Variants in USP49 observed in about 807,000 individuals in gnomAD.
USP49 encodes ubiquitin specific peptidase 49, also known as ubiquitin carboxyl-terminal hydrolase 49.
A neutral mutation model predicts 58.6 loss-of-function variants in USP49; 24 were observed. The observed-to-expected ratio is 0.41, with a 90% CI of 0.30 to 0.58. The LOEUF (loss-of-function observed/expected upper bound fraction) is 0.58, where lower values mean the gene tolerates loss of function less well. Ranked by LOEUF, USP49 falls within the 20% of genes least tolerant of loss-of-function variation. The probability of loss-of-function intolerance (pLI) is 0.30; values close to 1 mark genes in which losing one functional copy is unlikely to be tolerated. For missense variants in USP49, 703 were observed against 866.1 expected, an observed-to-expected ratio of 0.81 and a Z score of 2.36; for synonymous variants, 408 against 365.1, an observed-to-expected ratio of 1.12 and a Z score of -1.34.
intron 3 of USP49, among the ~76,000 whole-genome samples, chr6:41,851,076 G>A (rs1774019361): frequency 6.6e-6 from 1 of 152,134 alleles, no homozygotes; most frequent in Non-Finnish European, 1.5e-5. Flanking sequence ...AAAAAATAAT[G>A]AATGCCAAGT....
At position 41,792,175 on chromosome 6, in the gene USP49, G is replaced by GA. The variant is rs1313499934; in HGVS notation, c.*4357dup. Reference sequence around the variant, plus strand: ...GCCATCTCAGTCAGCGCCTGCCAGGGAAAGGGCATGGAGAGCTGGGACGGG... The same window carrying GA: ...GCCATCTCAGTCAGCGCCTGCCAGGGAAAAGGGCATGGAGAGCTGGGACGGG... On this transcript the variant is annotated 3_prime_UTR_variant, in exon 8 of 8. Coordinates refer to ENST00000682992, the MANE Select transcript of USP49 (RefSeq NM_001286554.2). 1 of 152,262 alleles carries GA rather than the reference G, an allele frequency of 6.6e-6. No individual in the cohort carries two copies. Among genetic ancestry groups the GA allele is most frequent in the East Asian group, 1.9e-4 (1 of 5,208 alleles). The allele number at this position is 152,262 out of a possible 1,614,324, so 9.4% of individuals were successfully genotyped here.
chr6:41,804,033 C>T (rs767012718), intron 4 of USP49, 23 bp from the exon 5 acceptor site: 1 of 1,606,946 alleles, frequency 6.2e-7, no homozygotes, highest in South Asian at 1.1e-5. Flanking sequence ...GATTGATTTA[C>T]AGATTATATA....
In USP49 at chr6:41,794,403, CT is replaced by C. The variant is rs547627378; in HGVS notation, c.*2129del. On this transcript the variant is annotated 3_prime_UTR_variant, in exon 8 of 8. Transcript: ENST00000682992. Reference sequence around the variant, plus strand: ...AAATGTTTATTAATAATTATCCCCACTGGACAGCCTGAGGGGTAAAGTAGAT... The same window carrying C: ...AAATGTTTATTAATAATTATCCCCACGGACAGCCTGAGGGGTAAAGTAGAT... 40 of 152,228 alleles carry C rather than the reference CT, an allele frequency of 2.6e-4. No homozygotes were observed. The highest frequency in any genetic ancestry group is 5.0e-4 in the Non-Finnish European group (34 of 68,038). 9.4% of individuals were successfully genotyped at this position (152,228 alleles called of 1,614,324 possible). A position where few individuals can be genotyped will look rare whatever the true frequency, so the allele number is the denominator to read the frequency against.
intron 3 of USP49, among the ~76,000 whole-genome samples, chr6:41,830,554 T>C (rs1003187430): frequency 1.3e-5 from 2 of 152,042 alleles, no homozygotes; most frequent in Admixed American, 6.6e-5. Flanking sequence ...AGGCCAGGCG[T>C]GGTGGCTCAC....
intron 4 of USP49, among the ~76,000 whole-genome samples, chr6:41,804,552 A>C (rs372114689): frequency 6.6e-6 from 1 of 152,064 alleles, no homozygotes; most frequent in East Asian, 1.9e-4. Flanking sequence ...CTTTCTTCCT[A>C]AGGGGAGGGG....
intron 2 of USP49, among the ~76,000 whole-genome samples, chr6:41,887,569 T>C (rs1002387339): frequency 6.6e-6 from 1 of 152,184 alleles, no homozygotes; most frequent in African/African-American, 2.4e-5. Flanking sequence ...GGGTAGGGAA[T>C]AATGGAGTGG....
chr6:41,895,026 G>GCCGCCC (rs1453530743), intron 1 of USP49, among the ~76,000 whole-genome samples: 1 of 113,916 alleles, frequency 8.8e-6, no homozygotes, highest in African/African-American at 3.3e-5. Context: ...CTCGCCTCCC[G>GCCGCCC]CCGCCCCCGC....
intron 3 of USP49, among the ~76,000 whole-genome samples, chr6:41,850,893 G>T (rs1012759755): frequency 6.6e-6 from 1 of 151,592 alleles, no homozygotes; most frequent in Non-Finnish European, 1.5e-5. Flanking sequence ...AAGCCACCGC[G>T]CCTGGCCATG....
intron 2 of USP49, among the ~76,000 whole-genome samples, chr6:41,878,321 G>A (rs1421582552): frequency 6.6e-6 from 1 of 152,220 alleles, no homozygotes; most frequent in African/African-American, 2.4e-5. Flanking sequence ...GGGTATCTGG[G>A]TCTTTATAAT....
At chr6:41,820,871 T>C (rs1038249625) in intron 3 of USP49, among the ~76,000 whole-genome samples, 2 of 152,076 alleles carry the variant, frequency 1.3e-5, no homozygotes, top group Non-Finnish European at 2.9e-5. Context: ...TGTAGTGGCA[T>C]GTGCCTGTAG....
chr6:41,818,774 G>A lies in USP49; in HGVS notation c.-28-11763C>T, dbSNP rs567259488. Among the ~76,000 whole-genome samples, 5 of 152,252 alleles carry A rather than the reference G, an allele frequency of 3.3e-5. No homozygotes were observed. The South Asian group carries it at 1.0e-3, about 32-fold the overall frequency. On this transcript the variant is annotated intron_variant, in intron 3 of 7. Coordinates refer to ENST00000682992, the MANE Select transcript of USP49 (RefSeq NM_001286554.2). ...CAGAATTTTTCTTAAGCCAAGAAAGGATTATCCTGTGCAACAGAACCCCTG... is the reference window on the plus strand; with the variant it reads ...CAGAATTTTTCTTAAGCCAAGAAAGAATTATCCTGTGCAACAGAACCCCTG...
chr6:41,806,008 C>T lies in USP49; in HGVS notation c.976G>A (p.Glu326Lys), dbSNP rs1443744873. The T allele has an allele frequency of 3.1e-6, 5 of 1,613,960 alleles. No homozygotes were observed. In the South Asian group the frequency reaches 4.4e-5, roughly 14 times the overall value. The change falls in exon 4 of 8, where the codon GAG becomes AAG. Residue 326 changes from glutamate to lysine, a missense_variant. Transcript: ENST00000682992. This position sits in a 1 kb window ranked among gnomAD's most constrained non-coding sequence, Gnocchi z 5.9. ...SLRNDRAEAC[E>K]REGFCWNGRA... Reference sequence around the variant, plus strand: ...CCGTTCCAGCAGAAGCCCTCCCGCTCGCATGCCTCGGCCCTGTCATTTCTC... The same window carrying T: ...CCGTTCCAGCAGAAGCCCTCCCGCTTGCATGCCTCGGCCCTGTCATTTCTC...
intron 6 of USP49, 119 bp downstream of exon 6, chr6:41,799,711 G>C (rs1772960829): frequency 3.7e-6 from 3 of 819,924 alleles, no homozygotes; most frequent in Non-Finnish European, 6.0e-6. Flanking sequence ...GAAAACACGA[G>C]GTCTCAAGTG....
chr6:41,825,032 A>T (rs1773515205), intron 3 of USP49, among the ~76,000 whole-genome samples: 1 of 152,246 alleles, frequency 6.6e-6, no homozygotes, highest in South Asian at 2.1e-4. Flanking sequence ...CTTGTACAAG[A>T]ATCAAACAGG....
intron 3 of USP49, among the ~76,000 whole-genome samples, chr6:41,853,103 T>C (rs1339724995): frequency 6.6e-6 from 1 of 152,136 alleles, no homozygotes; most frequent in Non-Finnish European, 1.5e-5. Context: ...GGAGAATCGC[T>C]TGAACCCAGC....
rs116024815 is a variant in USP49, at chr6:41,805,504, T to C, written c.1356+124A>G. 3,272 of 1,091,516 alleles carry C rather than the reference T, an allele frequency of 3.0e-3. 71 individuals are homozygous for C. In the African/African-American group the frequency reaches 0.047, roughly 16 times the overall value. The allele number at this position is 1,091,516 out of a possible 1,614,324, so 67.6% of individuals were successfully genotyped here. A position where few individuals can be genotyped will look rare whatever the true frequency, so the allele number is the denominator to read the frequency against. Reference sequence around the variant, plus strand: ...AGAATGAAAGGTATAATGGCCACCCTCCAAATTGCATAATCACAGCAAATG... The same window carrying C: ...AGAATGAAAGGTATAATGGCCACCCCCCAAATTGCATAATCACAGCAAATG... On this transcript the variant is annotated intron_variant, in intron 4 of 7. Coordinates refer to ENST00000682992, the MANE Select transcript of USP49 (RefSeq NM_001286554.2).
At position 41,796,221 on chromosome 6, in the gene USP49, T is replaced by C. The variant is rs1055865591; in HGVS notation, c.*312A>G. 12 of 267,034 alleles carry C rather than the reference T, an allele frequency of 4.5e-5. No individual in the cohort carries two copies. Among genetic ancestry groups the C allele is most frequent in the African/African-American group, 2.4e-4 (11 of 46,212 alleles). 16.5% of individuals were successfully genotyped at this position (267,034 alleles called of 1,614,324 possible). A position where few individuals can be genotyped will look rare whatever the true frequency, so the allele number is the denominator to read the frequency against. ...GAGAGAAAACATGGCTGCTCTCCTG[T>C]GTGGATATGATTGATTTACCCCCCC... On this transcript the variant is annotated 3_prime_UTR_variant, in exon 8 of 8. Coordinates refer to ENST00000682992, the MANE Select transcript of USP49 (RefSeq NM_001286554.2).
intron 3 of USP49, among the ~76,000 whole-genome samples, chr6:41,867,258 T>C (rs1272253914): frequency 6.6e-6 from 1 of 152,218 alleles, no homozygotes; most frequent in Non-Finnish European, 1.5e-5. Flanking sequence ...GTAAGTCACC[T>C]TTCTCCTGGC....
rs1007382041 is a variant in USP49 at position 41,871,607 on chromosome 6, G to C, written c.-72C>G. 1.1e-4 allele frequency: 16 copies of C among 151,980 alleles called. No homozygotes were observed. Among genetic ancestry groups the C allele is most frequent in the African/African-American group, 3.4e-4 (14 of 41,362 alleles). 9.4% of individuals were successfully genotyped at this position (151,980 alleles called of 1,614,324 possible). On this transcript the variant is annotated 5_prime_UTR_variant, in exon 3 of 8. Coordinates refer to ENST00000682992, the MANE Select transcript of USP49 (RefSeq NM_001286554.2). ...CCATCTTCTTCCATATTATTCCACA[G>C]TCATTGGTTAGGTTTCCTCTTCTCT... is the stretch of plus-strand genomic sequence containing the variant.
Sources: allele counts gnomAD v4.1 joint callset (sites outside exome capture counted in the v4.1 genomes callset), GRCh38; gene constraint gnomAD v4.1.1; non-coding constraint Gnocchi (gnomAD v3.1); transcripts MANE v1.5; gene names NCBI Gene and HGNC (gene_info 2026-07-23, HGNC 2026-07-21).